The following BACH1 variants were observed in gnomAD, a reference collection of about 807,000 sequenced individuals.
BACH1 encodes the protein BTB domain and CNC homolog 1, also known as transcription regulator protein BACH1.
In BACH1, 35 loss-of-function variants were observed where a neutral mutation model predicts 52.9. The observed-to-expected ratio is 0.66, with a 90% CI of 0.51 to 0.88. BACH1 has a LOEUF of 0.88. Ranked by LOEUF, BACH1 falls within the 40% of genes least tolerant of loss-of-function variation. The pLI, the probability that BACH1 is intolerant of heterozygous loss-of-function variation, is 0.00. For missense variants in BACH1, 808 were observed against 872.6 expected, an observed-to-expected ratio of 0.93 and a Z score of 0.93; for synonymous variants, 321 against 319.6, an observed-to-expected ratio of 1.00 and a Z score of -0.05.
chr21:29,316,303 T>G (rs568523989), intron 1 of BACH1, among the ~76,000 whole-genome samples: 2 of 152,216 alleles, frequency 1.3e-5, no homozygotes, highest in African/African-American at 4.8e-5. Context: ...ACTTAAATTA[T>G]GTGCATTCAG....
chr21:29,327,418 C>T, intron 3 of BACH1, 25 bp downstream of exon 3: 1 of 1,590,984 alleles, frequency 6.3e-7, no homozygotes, highest in South Asian at 1.1e-5. Flanking sequence ...GTTCTTAATT[C>T]ATTGTTTTAA....
rs923604572 is a variant in BACH1, at chr21:29,344,062, A to T, written c.*1229A>T. The T allele has an allele frequency of 2.0e-5, 3 of 152,250 alleles. No homozygotes were observed. The highest frequency in any genetic ancestry group is 2.0e-4 in the Admixed American group (3 of 15,282). 9.4% of individuals were successfully genotyped at this position (152,250 alleles called of 1,614,324 possible). Reference sequence around the variant, plus strand: ...AGTGTTTGTTCAGTCCTGTTACAAAATAGATAACTGAGCACCTATCGCATA... The same window carrying T: ...AGTGTTTGTTCAGTCCTGTTACAAATTAGATAACTGAGCACCTATCGCATA... On this transcript the variant is annotated 3_prime_UTR_variant, in exon 5 of 5. Coordinates refer to ENST00000286800, the MANE Select transcript of BACH1 (RefSeq NM_001186.4).
intron 2 of BACH1, chr21:29,352,692 T>C (rs1427407706): frequency 6.6e-6 from 1 of 152,146 alleles, no homozygotes; most frequent in East Asian, 1.9e-4. Context: ...GGCTAATATT[T>C]GTTTTTGTTG....
intron 2 of BACH1, chr21:29,359,056 T>C (rs1011217966): frequency 6.6e-6 from 1 of 152,056 alleles, no homozygotes; most frequent in African/African-American, 2.4e-5. Context: ...TAATCTTAAA[T>C]TTTAGGACTA....
intron 4 of BACH1, 97 bp downstream of exon 4, chr21:29,329,790 ATTAC>A: frequency 1.1e-6 from 1 of 899,412 alleles, no homozygotes; most frequent in Non-Finnish European, 1.6e-6. Flanking sequence ...ATAATGCTCA[ATTAC>A]TTATTTTAAT....
intron 1 of BACH1, among the ~76,000 whole-genome samples, chr21:29,301,231 T>G (rs1214648770): frequency 6.6e-6 from 1 of 151,968 alleles, no homozygotes; most frequent in Non-Finnish European, 1.5e-5. Context: ...TGCAAGGAGG[T>G]TCATTTGGAA....
intron 4 of BACH1, among the ~76,000 whole-genome samples, chr21:29,340,267 CT>C (rs2089096139): frequency 6.6e-6 from 1 of 152,136 alleles, no homozygotes; most frequent in Admixed American, 6.5e-5. Flanking sequence ...ATGGAAACTG[CT>C]TAGAAGCTTA....
chr21:29,349,254 C>A (rs927889609), downstream of BACH1, among the ~76,000 whole-genome samples: 1 of 152,108 alleles, frequency 6.6e-6, no homozygotes, highest in East Asian at 1.9e-4. Flanking sequence ...AGTGGCCTGG[C>A]GCTACCAGTT....
At chr21:29,318,510 G>A (rs563319858) in intron 1 of BACH1, among the ~76,000 whole-genome samples, 2 of 152,348 alleles carry the variant, frequency 1.3e-5, no homozygotes, top group South Asian at 2.1e-4. Context: ...TCTCTCAGCT[G>A]CAGCTGACAG....
chr21:29,350,022 G>C (rs1296133421), downstream of BACH1, among the ~76,000 whole-genome samples: 1 of 151,936 alleles, frequency 6.6e-6, no homozygotes, highest in Non-Finnish European at 1.5e-5. Flanking sequence ...ACCAGTTAGG[G>C]CTCCACAGAA....
At chr21:29,361,277 C>T (rs1303828675) in intron 2 of BACH1, 1 of 152,178 alleles carries the variant, frequency 6.6e-6, no homozygotes, top group Admixed American at 6.5e-5. Flanking sequence ...ATCAGTATTG[C>T]AGATGTTTTT....
chr21:29,355,680 C>T (rs979194648), intron 2 of BACH1, among the ~76,000 whole-genome samples: 18 of 152,162 alleles, frequency 1.2e-4, no homozygotes, highest in African/African-American at 3.6e-4. Flanking sequence ...TTCGTAAGAC[C>T]ATCTGTAGCT....
chr21:29,317,321 C>T (rs1382341657), intron 1 of BACH1, among the ~76,000 whole-genome samples: 4 of 152,208 alleles, frequency 2.6e-5, no homozygotes, highest in Non-Finnish European at 5.9e-5. Flanking sequence ...ATTACTAATT[C>T]AGCAGCATGT....
rs757465049 is a variant in BACH1 at position 29,342,471 on chromosome 21, C to G, written c.1849C>G (p.Leu617Val). 2 of 1,614,210 alleles carry G rather than the reference C, an allele frequency of 1.2e-6. No homozygotes were observed. Among genetic ancestry groups the G allele is most frequent in the Admixed American group, 1.7e-5 (1 of 60,024 alleles). ...LSTLGETKQN[L>V]TGLCQKVCKE... ...AACTCTGGGTGAGACAAAGCAGAAC[C>G]TAACTGGACTTTGCCAGAAAGTTTG... Residue 617 changes from leucine to valine, a missense_variant, in exon 5 of 5, where the codon CTA becomes GTA. Coordinates refer to ENST00000286800, the MANE Select transcript of BACH1 (RefSeq NM_001186.4).
chr21:29,352,052 G>A (rs1430453074), intron 2 of BACH1, among the ~76,000 whole-genome samples: 3 of 151,016 alleles, frequency 2.0e-5, no homozygotes, highest in African/African-American at 7.3e-5. Context: ...GACAGACCTA[G>A]TTTTCTTTTT....
chr21:29,299,112 G>C (rs983460396), intron 1 of BACH1, among the ~76,000 whole-genome samples, 159 bp downstream of exon 1: 2 of 150,766 alleles, frequency 1.3e-5, no homozygotes, highest in African/African-American at 4.9e-5. Flanking sequence ...GGCACGTATC[G>C]GGGCCCGCGG....
chr21:29,341,573 AT>A (rs1488940935), intron 4 of BACH1, among the ~76,000 whole-genome samples: 3 of 152,206 alleles, frequency 2.0e-5, no homozygotes, highest in African/African-American at 7.2e-5. Flanking sequence ...CTTTTGAAAA[AT>A]TCTGTGGTAG....
rs2088851342 is a variant in BACH1, at chr21:29,321,776, A to G, written c.234+262A>G. On this transcript the variant is annotated intron_variant, in intron 2 of 4. Coordinates refer to ENST00000286800, the MANE Select transcript of BACH1 (RefSeq NM_001186.4). ...TTTGATGAAATGACCAAATCAGGAC[A>G]CGCCCAGTGGATTGTAGGCAATTGG... Among the ~76,000 whole-genome samples, 3 of 151,996 alleles carry G rather than the reference A, an allele frequency of 2.0e-5. No individual in the cohort carries two copies. The East Asian group carries it at 5.8e-4, about 29-fold the overall frequency.
intron 1 of BACH1, among the ~76,000 whole-genome samples, chr21:29,318,224 AT>A (rs1445661342): frequency 6.6e-6 from 1 of 152,210 alleles, no homozygotes; most frequent in African/African-American, 2.4e-5. Flanking sequence ...GTTAAACAGC[AT>A]TTTTCCAGGC....
Sources: allele counts gnomAD v4.1 joint callset (sites outside exome capture counted in the v4.1 genomes callset), GRCh38; gene constraint gnomAD v4.1.1; transcripts MANE v1.5; gene names NCBI Gene and HGNC (gene_info 2026-07-23, HGNC 2026-07-21).